ELOVL6: variants seen among roughly 807,000 people sequenced by gnomAD.
ELOVL6 encodes very long chain fatty acid elongase 6.
ELOVL6 carries 8 observed loss-of-function variants against 31.7 expected under a neutral mutation model. The ratio of observed to expected loss-of-function variants is 0.25; its 90% CI spans 0.15 to 0.45. The LOEUF (loss-of-function observed/expected upper bound fraction) is 0.45. Among genes scored for constraint, ELOVL6 ranks in the 20% least tolerant of loss-of-function variants. ELOVL6 has a pLI of 1.00. For synonymous variants in ELOVL6, 101 were observed against 117.7 expected, an observed-to-expected ratio of 0.86 and a Z score of 0.92; for missense variants, 126 against 326.4, an observed-to-expected ratio of 0.39 and a Z score of 4.73.
At chr4:110,070,764 G>A (rs1755451230) in intron 2 of ELOVL6, among the ~76,000 whole-genome samples, 2 of 152,044 alleles carry the variant, frequency 1.3e-5, no homozygotes, top group African/African-American at 2.4e-5. Context: ...TCTTTCTTCG[G>A]CCAGTAAGAT....
chr4:110,157,093 G>A (rs1355588155), intron 1 of ELOVL6, among the ~76,000 whole-genome samples: 1 of 152,146 alleles, frequency 6.6e-6, no homozygotes, highest in Non-Finnish European at 1.5e-5. Context: ...GGCCATCTGG[G>A]TCACTGCCCA....
chr4:110,084,582 A>ATTTTTTTTTTTTT (rs1756179383), intron 2 of ELOVL6, among the ~76,000 whole-genome samples: 1 of 54,508 alleles, frequency 1.8e-5, no homozygotes, highest in African/African-American at 1.3e-4. Flanking sequence ...ATATATATAT[A>ATTTTTTTTTTTTT]TATATATTTT....
intron 1 of ELOVL6, among the ~76,000 whole-genome samples, chr4:110,129,260 C>T (rs897549277): frequency 6.6e-6 from 1 of 152,168 alleles, no homozygotes; most frequent in Non-Finnish European, 1.5e-5. Flanking sequence ...TGAGACACAT[C>T]TACACTGGAT....
At chr4:110,198,964 A>G (rs1377840922), upstream of ELOVL6, 3 of 152,288 alleles carry the variant, frequency 2.0e-5, no homozygotes, top group Non-Finnish European at 2.9e-5. Context: ...CTCTCTTGCA[A>G]GAGAACTCCG....
At chr4:110,124,598 T>A (rs1456415039) in intron 1 of ELOVL6, among the ~76,000 whole-genome samples, 1 of 151,968 alleles carries the variant, frequency 6.6e-6, no homozygotes, top group African/African-American at 2.4e-5. Context: ...AAATAGCTAA[T>A]GCACGTGGGG....
chr4:110,151,116 C>T (rs1758267817), intron 1 of ELOVL6, among the ~76,000 whole-genome samples: 1 of 151,602 alleles, frequency 6.6e-6, no homozygotes, highest in Non-Finnish European at 1.5e-5. Context: ...CTTTTAATTG[C>T]ATAAATTCTA....
At chr4:110,059,558 A>G in intron 3 of ELOVL6, 45 bp downstream of exon 3, 1 of 1,582,856 alleles carries the variant, frequency 6.3e-7, no homozygotes, top group Non-Finnish European at 8.6e-7. Flanking sequence ...TACTGTGGAT[A>G]TGTTGCTACA....
At chr4:110,179,446 C>T (rs758706638) in intron 1 of ELOVL6, among the ~76,000 whole-genome samples, 5 of 152,102 alleles carry the variant, frequency 3.3e-5, no homozygotes, top group Non-Finnish European at 7.3e-5. Context: ...GCTGAGGTTG[C>T]AGTGAGCCGA....
chr4:110,056,423 T>C (rs570939993), intron 3 of ELOVL6, among the ~76,000 whole-genome samples: 59 of 152,228 alleles, frequency 3.9e-4, no homozygotes, highest in African/African-American at 1.3e-3. Flanking sequence ...CTGCTTGTCT[T>C]GGAGACACTT....
rs143795270 is a variant in ELOVL6, at chr4:110,068,781, G to A, written c.222-9027C>T. ...CTGGCACAGCAAAGAAATGTGGGGG[G>A]CCAAGTTTTAGAAACTAACCTGATA... On this transcript the variant is annotated intron_variant, in intron 2 of 3. Coordinates refer to ENST00000302274, the MANE Select transcript of ELOVL6 (RefSeq NM_024090.3). 5.4e-3 allele frequency among the ~76,000 whole-genome samples: 816 copies of A among 152,238 alleles called. 5 individuals carry two copies. Among genetic ancestry groups the A allele is most frequent in the African/African-American group, 0.017 (710 of 41,542 alleles).
At chr4:110,061,459 G>A (rs534010392) in intron 2 of ELOVL6, among the ~76,000 whole-genome samples, 11 of 151,250 alleles carry the variant, frequency 7.3e-5, no homozygotes, top group African/African-American at 2.2e-4. Flanking sequence ...GGGATGAAGG[G>A]TTGATTTCAT....
intron 1 of ELOVL6, among the ~76,000 whole-genome samples, chr4:110,138,664 G>A (rs1372832994): frequency 6.6e-6 from 1 of 151,224 alleles, no homozygotes; most frequent in Non-Finnish European, 1.5e-5. Flanking sequence ...ATACTGGAAA[G>A]CCTGAACACT....
At chr4:110,120,168 GCACA>G (rs1348687171) in intron 1 of ELOVL6, among the ~76,000 whole-genome samples, 2 of 152,138 alleles carry the variant, frequency 1.3e-5, no homozygotes, top group Admixed American at 1.3e-4. Flanking sequence ...ATGCTGGCAT[GCACA>G]CACCATGTGG....
intron 1 of ELOVL6, among the ~76,000 whole-genome samples, chr4:110,137,531 A>G (rs765158067): frequency 6.6e-6 from 1 of 151,998 alleles, no homozygotes; most frequent in Non-Finnish European, 1.5e-5. Context: ...ACTTTACTAT[A>G]GATCTTATTA....
chr4:110,062,997 GT>G (rs1755189591), intron 2 of ELOVL6, among the ~76,000 whole-genome samples: 1 of 152,102 alleles, frequency 6.6e-6, no homozygotes, highest in Non-Finnish European at 1.5e-5. Flanking sequence ...CAACGAAACA[GT>G]TTTCATTATA....
intron 2 of ELOVL6, among the ~76,000 whole-genome samples, chr4:110,084,386 GC>G (rs1560815146): frequency 8.0e-5 from 3 of 37,318 alleles, no homozygotes; most frequent in African/African-American, 1.6e-4. Flanking sequence ...GATATATATC[GC>G]ATATATGATA....
chr4:110,198,081 C>G (rs772982609), intron 1 of ELOVL6, 166 bp downstream of exon 1: 16 of 576,508 alleles, frequency 2.8e-5, no homozygotes, highest in African/African-American at 1.4e-4. Flanking sequence ...TGTACCCCCC[C>G]CCCCCCAGCG....
intron 1 of ELOVL6, among the ~76,000 whole-genome samples, chr4:110,153,171 G>A (rs1190838380): frequency 6.6e-6 from 1 of 152,094 alleles, no homozygotes; most frequent in African/African-American, 2.4e-5. Context: ...TAACCAAAAT[G>A]TACATTATGA....
intron 2 of ELOVL6, among the ~76,000 whole-genome samples, chr4:110,076,530 G>GA (rs1256767948): frequency 1.3e-5 from 2 of 152,032 alleles, no homozygotes; most frequent in South Asian, 2.1e-4. Flanking sequence ...TTTTCCATAT[G>GA]AAAAAAATAT....
Sources: gnomAD v4.1 joint callset for allele counts (sites outside exome capture counted in the v4.1 genomes callset) on GRCh38, gnomAD v4.1.1 for gene constraint, MANE v1.5 for transcripts, NCBI Gene and HGNC (gene_info 2026-07-23, HGNC 2026-07-21) for gene names.